TMIGD3: variants seen among roughly 807,000 people sequenced by gnomAD.
TMIGD3 encodes AD026 protein (AD026).
In TMIGD3, 21 loss-of-function variants were observed where a neutral mutation model predicts 28.1. That is an observed-to-expected ratio of 0.75 (90% CI 0.53 to 1.08). The LOEUF is 1.08. Ranked by LOEUF, TMIGD3 falls within the 50% of genes least tolerant of loss-of-function variation. The pLI is 0.00. For missense variants in TMIGD3, 416 were observed against 435.6 expected (o/e 0.96, Z 0.40); for synonymous variants, 151 against 162.1 (o/e 0.93, Z 0.52).
chr1:111,497,272 G>A (rs1023842317), intron 1 of TMIGD3, among the ~76,000 whole-genome samples: 3 of 152,074 alleles, frequency 2.0e-5, no homozygotes, highest in Non-Finnish European at 4.4e-5. Context: ...CACCACGCCC[G>A]GCTAATTTTT....
In TMIGD3 at chr1:111,503,413, G is replaced by T. The variant is rs144729253; in HGVS notation, c.-59C>A. 1,260 of 1,536,872 alleles carry T rather than the reference G, an allele frequency of 8.2e-4. 10 individuals carry two copies. In the African/African-American group the frequency reaches 0.015, roughly 18 times the overall value. On this transcript the variant is annotated 5_prime_UTR_variant, in exon 1 of 6. Coordinates refer to ENST00000369716, the MANE Select transcript of TMIGD3 (RefSeq NM_020683.7). ...GTGAGCCAGCAAGATCCGTCTGTAG[G>T]GCCAGTGGGCCTAGCTCTCGCCAGA...
chr1:111,515,391 G>T (rs950638635), intron 1 of TMIGD3, among the ~76,000 whole-genome samples: 1 of 152,200 alleles, frequency 6.6e-6, no homozygotes, highest in East Asian at 1.9e-4. Flanking sequence ...CCTGTGGCCT[G>T]CGGTCCTCAG....
chr1:111,558,230 T>C (rs1297127829), intron 1 of TMIGD3, among the ~76,000 whole-genome samples: 1 of 152,160 alleles, frequency 6.6e-6, no homozygotes, highest in Non-Finnish European at 1.5e-5. Flanking sequence ...CAGGCTGGAG[T>C]GCAGTGGCGC....
rs571831853 is a variant in TMIGD3 at position 111,539,705 on chromosome 1, A to G, written c.107+24141T>C. ...CCCCTACTCCCAGTCTCCACTGTCAATCATAACTTTCTGGAGAAGTAAATG... is the reference window on the plus strand; with the variant it reads ...CCCCTACTCCCAGTCTCCACTGTCAGTCATAACTTTCTGGAGAAGTAAATG... On this transcript the variant is annotated intron_variant, in intron 1 of 5. Coordinates refer to the TMIGD3 transcript ENST00000369717. Among the ~76,000 whole-genome samples, 5 of 152,310 alleles carry G rather than the reference A, an allele frequency of 3.3e-5. No homozygotes were observed. In the South Asian group the frequency reaches 1.0e-3, roughly 32 times the overall value.
chr1:111,520,075 C>T (rs750608888), intron 1 of TMIGD3, among the ~76,000 whole-genome samples: 24 of 152,234 alleles, frequency 1.6e-4, no homozygotes, highest in African/African-American at 3.6e-4. Flanking sequence ...GCAAACAGGA[C>T]GAACAGGAAC....
intron 1 of TMIGD3, among the ~76,000 whole-genome samples, chr1:111,551,769 T>TTTTC (rs1394337722): frequency 2.0e-5 from 3 of 151,712 alleles, no homozygotes; most frequent in Non-Finnish European, 2.9e-5. Context: ...TTGTTTTGTT[T>TTTTC]TTTTGAGATG....
intron 1 of TMIGD3, among the ~76,000 whole-genome samples, chr1:111,497,399 T>C (rs192618568): frequency 2.2e-4 from 33 of 152,316 alleles, no homozygotes; most frequent in African/African-American, 2.6e-4. Context: ...CATGAGCCAC[T>C]GCACCCGGCT....
intron 1 of TMIGD3, among the ~76,000 whole-genome samples, chr1:111,529,969 C>T (rs1186246975): frequency 3.8e-5 from 4 of 105,994 alleles, no homozygotes; most frequent in Admixed American, 1.6e-4. Flanking sequence ...CCCCTCACCT[C>T]CCGGATGGGG....
chr1:111,518,889 C>A (rs553279765), intron 1 of TMIGD3, among the ~76,000 whole-genome samples: 2 of 152,304 alleles, frequency 1.3e-5, no homozygotes, highest in South Asian at 4.1e-4. Context: ...TGACCTAGGC[C>A]ATCCTTCCCC....
chr1:111,529,369 T>C (rs1656372361), intron 1 of TMIGD3, among the ~76,000 whole-genome samples: 1 of 135,440 alleles, frequency 7.4e-6, no homozygotes, highest in African/African-American at 2.5e-5. Flanking sequence ...TCTTTCTTTC[T>C]TTCTTTCTTT....
chr1:111,559,780 A>G (rs571299869), intron 1 of TMIGD3, among the ~76,000 whole-genome samples: 83 of 152,356 alleles, frequency 5.4e-4, no homozygotes, highest in African/African-American at 1.9e-3. Context: ...GCTAAAAGCC[A>G]TAACATGAGT....
chr1:111,488,850 A>G lies in TMIGD3; in HGVS notation c.632T>C (p.Leu211Pro), dbSNP rs1654513970. The G allele has an allele frequency of 1.2e-6, 2 of 1,614,202 alleles. No individual in the cohort carries two copies. The highest frequency in any genetic ancestry group is 1.6e-4 in the Middle Eastern group (1 of 6,062). The change falls in exon 3 of 6, where the codon CTG becomes CCG. Residue 211 changes from leucine to proline, a missense_variant. Leu to Pro is a moderately conservative substitution (Grantham distance 98). Transcript: ENST00000369716. Reference sequence around the variant, plus strand: ...AATGAGCTGGTTCCCTGTGTCCCTCAGGGCCACATGATTGGTGCTGTTAGG... The same window carrying G: ...AATGAGCTGGTTCCCTGTGTCCCTCGGGGCCACATGATTGGTGCTGTTAGG... Reference protein sequence around the residue: ...FSPNSTNHVALRDTGNQLIVT... With the variant: ...FSPNSTNHVAPRDTGNQLIVT...
intron 1 of TMIGD3, among the ~76,000 whole-genome samples, chr1:111,527,753 A>G (rs573474916): frequency 8.5e-5 from 13 of 152,314 alleles, no homozygotes; most frequent in African/African-American, 3.1e-4. Flanking sequence ...GTGACATATG[A>G]GATGGATCAT....
At chr1:111,523,025 A>G (rs1338378359) in intron 1 of TMIGD3, among the ~76,000 whole-genome samples, 1 of 152,210 alleles carries the variant, frequency 6.6e-6, no homozygotes, top group African/African-American at 2.4e-5. Context: ...ACAATGTTAA[A>G]TAGAAATGGA....
chr1:111,496,179 T>A (rs1323828358), intron 1 of TMIGD3, among the ~76,000 whole-genome samples: 2 of 152,330 alleles, frequency 1.3e-5, no homozygotes, highest in South Asian at 2.1e-4. Flanking sequence ...AAAATTAAAA[T>A]TTTTAAAAAG....
chr1:111,559,989 T>C (rs187079053), intron 1 of TMIGD3, among the ~76,000 whole-genome samples: 1 of 152,346 alleles, frequency 6.6e-6, no homozygotes, highest in East Asian at 1.9e-4. Flanking sequence ...GATCAAAGGT[T>C]CTTGACACAT....
intron 1 of TMIGD3, among the ~76,000 whole-genome samples, chr1:111,521,374 A>G (rs1365427569): frequency 6.6e-6 from 1 of 152,204 alleles, no homozygotes; most frequent in Non-Finnish European, 1.5e-5. Context: ...TGATTATATC[A>G]TTTTACATTC....
chr1:111,534,978 A>T (rs1656591282), intron 1 of TMIGD3, among the ~76,000 whole-genome samples: 1 of 152,196 alleles, frequency 6.6e-6, no homozygotes, highest in Non-Finnish European at 1.5e-5. Flanking sequence ...AGTTAGGGGA[A>T]CACCCAGCTC....
upstream of TMIGD3, among the ~76,000 whole-genome samples, chr1:111,506,920 T>TAC (rs1446749127): frequency 8.3e-6 from 1 of 121,024 alleles, no homozygotes; most frequent in African/African-American, 3.5e-5. Flanking sequence ...ATATTATATA[T>TAC]ATATATACAC....
Sources: allele counts gnomAD v4.1 joint callset (sites outside exome capture counted in the v4.1 genomes callset), GRCh38; gene constraint gnomAD v4.1.1; transcripts MANE v1.5; gene names NCBI Gene and HGNC (gene_info 2026-07-23, HGNC 2026-07-21).